The following GRPEL1 variants were observed in gnomAD, a reference collection of about 807,000 sequenced individuals.
GRPEL1 encodes grpE protein homolog 1, mitochondrial.
A neutral mutation model predicts 22.1 loss-of-function variants in GRPEL1; 13 were observed. That is an observed-to-expected ratio of 0.59 (90% confidence interval 0.38 to 0.94). The LOEUF (loss-of-function observed/expected upper bound fraction) is 0.94. Ranked by LOEUF, GRPEL1 falls within the 40% of genes least tolerant of loss-of-function variation. The pLI, the probability that GRPEL1 is intolerant of heterozygous loss-of-function variation, is 0.00. For synonymous variants in GRPEL1, 109 were observed against 105.3 expected, an observed-to-expected ratio of 1.03 and a Z score of -0.21; for missense variants, 289 against 264.6, an observed-to-expected ratio of 1.09 and a Z score of -0.64.
At chr4:7,067,937 C>A in intron 1 of GRPEL1, 34 bp downstream of exon 1, 4 of 1,608,128 alleles carry the variant, frequency 2.5e-6, no homozygotes, top group Non-Finnish European at 3.4e-6. Context: ...GGTCGCGCTG[C>A]CACCTCCACC....
chr4:7,064,313 C>T, intron 1 of GRPEL1, 90 bp from the exon 2 acceptor site: 4 of 1,345,090 alleles, frequency 3.0e-6, no homozygotes, highest in Non-Finnish European at 4.1e-6. Flanking sequence ...AAAATAGCTT[C>T]AAACTATTTA....
chr4:7,065,854 C>CT (rs1491155294), intron 1 of GRPEL1, among the ~76,000 whole-genome samples: 219 of 82,420 alleles, frequency 2.7e-3, no homozygotes, highest in Middle Eastern at 0.014. Flanking sequence ...ACCAGAGGAC[C>CT]TCTTTTTTTT....
intron 1 of GRPEL1, chr4:7,067,557 G>A: frequency 4.5e-6 from 1 of 224,602 alleles, no homozygotes; most frequent in South Asian, 6.8e-5. Flanking sequence ...CTCGCTGCGT[G>A]ACCTTGGACA....
intron 1 of GRPEL1, among the ~76,000 whole-genome samples, chr4:7,065,825 C>T (rs1450486992): frequency 3.3e-5 from 5 of 151,276 alleles, no homozygotes; most frequent in African/African-American, 1.2e-4. Context: ...AGTCTTAAAA[C>T]CTAGATTTCT....
chr4:7,061,399 G>A, intron 3 of GRPEL1, 191 bp from the exon 4 acceptor site: 1 of 561,042 alleles, frequency 1.8e-6, no homozygotes, highest in Non-Finnish European at 3.1e-6. Flanking sequence ...ATGAGACCCA[G>A]AATTTACTAA....
Position 7,068,007 on chromosome 4 carries a change from G to A in GRPEL1, c.26C>T (p.Ala9Val), listed in dbSNP as rs746403667. 9 of 1,612,998 alleles carry A rather than the reference G, an allele frequency of 5.6e-6. No homozygotes were observed. The East Asian group carries it at 1.8e-4, about 32-fold the overall frequency. ...CGCCAAAGCAGGAAGACTGCGCCGCGCCAACCTCACGCACTGAGCCGCCAT... is the reference window on the plus strand; with the variant it reads ...CGCCAAAGCAGGAAGACTGCGCCGCACCAACCTCACGCACTGAGCCGCCAT... MAAQCVRL[A>V]RRSLPALALS... is the part of the protein sequence containing the mutation. The change falls in exon 1 of 4, where the codon GCG (alanine) becomes GTG (valine). Residue 9 changes from alanine (A) to valine (V), a missense_variant. Transcript: ENST00000264954.
chr4:7,064,126 G>A lies in GRPEL1; in HGVS notation c.160C>T (p.Pro54Ser), dbSNP rs1724103996. Residue 54 changes from proline (P) to serine (S), a missense_variant, in exon 2 of 4, where the codon CCT (proline) becomes TCT (serine). Coordinates refer to ENST00000264954, the MANE Select transcript of GRPEL1 (RefSeq NM_025196.4). ...TCCAGGAGGGTCTTCTCTGTAGCAGGAGGATCTGCCTTCTGTTCACTCTGA... is the reference window on the plus strand; with the variant it reads ...TCCAGGAGGGTCTTCTCTGTAGCAGAAGGATCTGCCTTCTGTTCACTCTGA... ...MGQSEQKADPPATEKTLLEEK... is the reference protein window; with the variant it reads ...MGQSEQKADPSATEKTLLEEK... The A allele has an allele frequency of 6.2e-7, 1 of 1,614,184 alleles. No individual in the cohort carries two copies. Among genetic ancestry groups the A allele is most frequent in the Non-Finnish European group, 8.5e-7 (1 of 1,180,026 alleles).
At chr4:7,061,744 GTTT>G (rs1724045652) in intron 3 of GRPEL1, 1 of 155,420 alleles carries the variant, frequency 6.4e-6, no homozygotes, top group Admixed American at 6.3e-5. Context: ...GAAAAAAAGT[GTTT>G]CAATGAGCGC....
intron 1 of GRPEL1, among the ~76,000 whole-genome samples, chr4:7,067,111 C>T (rs2108793915): frequency 6.6e-6 from 1 of 152,378 alleles, no homozygotes; most frequent in Middle Eastern, 3.4e-3. Context: ...CAGGAAAGAA[C>T]TACATCTCAC....
rs577029739 is a variant in GRPEL1 at position 7,068,025 on chromosome 4, G to A, written c.8C>T (p.Ala3Val). Residue 3 changes from alanine (A) to valine (V), a missense_variant, in exon 1 of 4, where the codon GCT becomes GTT. Ala to Val is a moderately conservative substitution (Grantham distance 64). Coordinates refer to ENST00000264954, the MANE Select transcript of GRPEL1 (RefSeq NM_025196.4). MA[A>V]QCVRLARRSL... ...GCGCCGCGCCAACCTCACGCACTGA[G>A]CCGCCATGACTGCCACTGCCCGTCG... The A allele has an allele frequency of 8.7e-6, 14 of 1,611,912 alleles. No homozygotes were observed. The highest frequency in any genetic ancestry group is 1.3e-5 in the African/African-American group (1 of 74,940).
intron 1 of GRPEL1, among the ~76,000 whole-genome samples, chr4:7,065,324 G>C (rs1724142138): frequency 6.6e-6 from 1 of 152,194 alleles, no homozygotes; most frequent in African/African-American, 2.4e-5. Context: ...GGACCAGCCT[G>C]ACCAACATGG....
Position 7,062,485 on chromosome 4 carries a change from G to GAGATTTATATATAT in GRPEL1, c.226-20_226-19insATATATATAAATCT, listed in dbSNP as rs60458218. ...ATTTTTCCTAAAAGAGAAAAAAAGG[G>GAGATTTATATATAT]ATATTTATATATATATATATATATA... On this transcript the variant is annotated intron_variant, in intron 2 of 3. Transcript: ENST00000264954. 78 of 380,422 alleles carry GAGATTTATATATAT rather than the reference G, an allele frequency of 2.1e-4. No homozygotes were observed. The highest frequency in any genetic ancestry group is 1.4e-3 in the Admixed American group (21 of 14,626). 23.6% of individuals were successfully genotyped at this position (380,422 alleles called of 1,614,324 possible). A position where few individuals can be genotyped will look rare whatever the true frequency, so the allele number is the denominator to read the frequency against.
chr4:7,060,104 T>TA lies in GRPEL1; in HGVS notation c.*757dup, dbSNP rs1183337366. The TA allele has an allele frequency of 5.3e-5, 8 of 152,360 alleles. No individual in the cohort carries two copies. Among genetic ancestry groups the TA allele is most frequent in the African/African-American group, 1.9e-4 (8 of 41,586 alleles). 9.4% of individuals were successfully genotyped at this position (152,360 alleles called of 1,614,324 possible). On this transcript the variant is annotated 3_prime_UTR_variant, in exon 4 of 4. Transcript: ENST00000264954. ...ATCCTCTTAAATAAAAATTTTAAAT[T>TA]AAACATTAACATTTAAAGTACACCA...
Position 7,068,059 on chromosome 4 carries a change from G to T in GRPEL1, c.-27C>A, listed in dbSNP as rs1407129086. On this transcript the variant is annotated 5_prime_UTR_variant, in exon 1 of 4. Transcript: ENST00000264954. Reference sequence around the variant, plus strand: ...ACTGCCACTGCCCGTCGCAGTCGCCGCGCACGCACCAAGCGTGCGTGCAGG... The same window carrying T: ...ACTGCCACTGCCCGTCGCAGTCGCCTCGCACGCACCAAGCGTGCGTGCAGG... 6.2e-7 allele frequency: 1 copy of T among 1,610,740 alleles called. No individual in the cohort carries two copies. Among genetic ancestry groups the T allele is most frequent in the Non-Finnish European group, 8.5e-7 (1 of 1,178,638 alleles).
intron 1 of GRPEL1, among the ~76,000 whole-genome samples, chr4:7,066,183 A>T (rs1724164192): frequency 6.6e-6 from 1 of 152,208 alleles, no homozygotes; most frequent in Admixed American, 6.5e-5. Context: ...TTCCCAGATT[A>T]AAACTGCTTC....
intron 2 of GRPEL1, among the ~76,000 whole-genome samples, chr4:7,063,158 C>T (rs780902008): frequency 6.6e-6 from 1 of 150,508 alleles, no homozygotes; most frequent in Non-Finnish European, 1.5e-5. Flanking sequence ...GGTGTAATCT[C>T]GGCTCACTGC....
In GRPEL1 at chr4:7,060,326, G is replaced by C. The variant is rs1479283989; in HGVS notation, c.*536C>G. Reference sequence around the variant, plus strand: ...TCAGTGCCCACACCCATTTCTCAGTGGTCAGTTTCAGCCGCTGTTGACTGA... The same window carrying C: ...TCAGTGCCCACACCCATTTCTCAGTCGTCAGTTTCAGCCGCTGTTGACTGA... On this transcript the variant is annotated 3_prime_UTR_variant, in exon 4 of 4. Coordinates refer to ENST00000264954, the MANE Select transcript of GRPEL1 (RefSeq NM_025196.4). The C allele has an allele frequency of 6.5e-6, 1 of 153,798 alleles. No homozygotes were observed. The highest frequency in any genetic ancestry group is 2.4e-5 in the African/African-American group (1 of 41,404). 9.5% of individuals were successfully genotyped at this position (153,798 alleles called of 1,614,324 possible).
intron 1 of GRPEL1, among the ~76,000 whole-genome samples, chr4:7,064,579 C>G (rs990002463): frequency 2.0e-5 from 3 of 152,024 alleles, no homozygotes; most frequent in Admixed American, 6.6e-5. Flanking sequence ...GTCACCCAAA[C>G]TGAAGTGCAG....
chr4:7,066,087 G>C (rs1230193394), intron 1 of GRPEL1, among the ~76,000 whole-genome samples: 3 of 152,046 alleles, frequency 2.0e-5, no homozygotes, highest in Non-Finnish European at 2.9e-5. Flanking sequence ...AGGATCTCCT[G>C]ACCTCGTGAT....
Sources: gnomAD v4.1 joint callset for allele counts (sites outside exome capture counted in the v4.1 genomes callset) on GRCh38, gnomAD v4.1.1 for gene constraint, MANE v1.5 for transcripts, NCBI Gene and HGNC (gene_info 2026-07-23, HGNC 2026-07-21) for gene names.